The following IPCEF1 variants were observed in gnomAD, a reference collection of about 807,000 sequenced individuals.
The protein encoded by IPCEF1 is interactor protein for cytohesin exchange factors 1.
In IPCEF1, 31 loss-of-function variants were observed where a neutral mutation model predicts 50.9. That is an observed-to-expected ratio of 0.61 (90% CI 0.46 to 0.82). IPCEF1 has a LOEUF of 0.82. Ranked by LOEUF, IPCEF1 falls within the 40% of genes least tolerant of loss-of-function variation. The pLI is 0.00. For synonymous variants in IPCEF1, 181 were observed against 192.0 expected, an observed-to-expected ratio of 0.94 and a Z score of 0.47; for missense variants, 458 against 514.0, an observed-to-expected ratio of 0.89 and a Z score of 1.05.
At chr6:154,172,411 C>A (rs1481229481) in intron 10 of IPCEF1, among the ~76,000 whole-genome samples, 1 of 152,174 alleles carries the variant, frequency 6.6e-6, no homozygotes, top group African/African-American at 2.4e-5. Flanking sequence ...GTAACCGTAC[C>A]TGGAGGAATG....
At chr6:154,339,112 G>T (rs955318351) in intron 1 of IPCEF1, among the ~76,000 whole-genome samples, 4 of 151,978 alleles carry the variant, frequency 2.6e-5, no homozygotes, top group African/African-American at 9.7e-5. Context: ...ACCTGTAACT[G>T]CTGCTAATCA....
At chr6:154,231,879 A>G (rs1368324983) in intron 5 of IPCEF1, among the ~76,000 whole-genome samples, 1 of 152,228 alleles carries the variant, frequency 6.6e-6, no homozygotes, top group Non-Finnish European at 1.5e-5. Context: ...GAAATTAAAA[A>G]CAAATAGAAA....
chr6:154,180,412 A>ATTTTTTT (rs1301879776), intron 10 of IPCEF1, among the ~76,000 whole-genome samples: 6 of 50,808 alleles, frequency 1.2e-4, no homozygotes, highest in African/African-American at 3.2e-4. Flanking sequence ...ATATATATAT[A>ATTTTTTT]TATTTTTTTT....
intron 11 of IPCEF1, among the ~76,000 whole-genome samples, chr6:154,161,945 A>G (rs1799057298): frequency 6.6e-6 from 1 of 152,126 alleles, no homozygotes; most frequent in African/African-American, 2.4e-5. Flanking sequence ...TGACTATTTC[A>G]AAACTCTTCT....
intron 11 of IPCEF1, among the ~76,000 whole-genome samples, chr6:154,162,064 C>T (rs775221511): frequency 6.6e-6 from 1 of 152,144 alleles, no homozygotes; most frequent in Non-Finnish European, 1.5e-5. Context: ...TCCTATTGCC[C>T]ACGAACTACA....
chr6:154,282,544 G>A (rs1441503876), intron 2 of IPCEF1, among the ~76,000 whole-genome samples: 2 of 151,786 alleles, frequency 1.3e-5, no homozygotes, highest in African/African-American at 2.4e-5. Flanking sequence ...AAAATTAGGC[G>A]GGCACGGTGG....
chr6:154,158,453 G>T lies in IPCEF1; in HGVS notation c.*1375C>A, dbSNP rs185495902. Reference sequence around the variant, plus strand: ...TTGTGTTGCCTTTGGTCTAAGGTTTGCAGGCATAAATGGCACAAAGCTTAA... The same window carrying T: ...TTGTGTTGCCTTTGGTCTAAGGTTTTCAGGCATAAATGGCACAAAGCTTAA... On this transcript the variant is annotated 3_prime_UTR_variant, in exon 12 of 12. Transcript: ENST00000367220. 2.0e-5 allele frequency: 3 copies of T among 152,312 alleles called. No homozygotes were observed. The highest frequency in any genetic ancestry group is 2.0e-4 in the Admixed American group (3 of 15,306). 9.4% of individuals were successfully genotyped at this position (152,312 alleles called of 1,614,324 possible). A position where few individuals can be genotyped will look rare whatever the true frequency, so the allele number is the denominator to read the frequency against.
At position 154,224,982 on chromosome 6, in the gene IPCEF1, C is replaced by T. The variant is rs1391328632; in HGVS notation, c.247-1739G>A. On this transcript the variant is annotated intron_variant, in intron 5 of 11. Coordinates refer to ENST00000367220, the MANE Select transcript of IPCEF1 (RefSeq NM_001130700.2). Reference sequence around the variant, plus strand: ...TCCTGTGGATTCTCAATCCGCCTTACAAAAAAGTATAGTTTTGAAAAACTA... The same window carrying T: ...TCCTGTGGATTCTCAATCCGCCTTATAAAAAAGTATAGTTTTGAAAAACTA... 3.3e-5 allele frequency among the ~76,000 whole-genome samples: 5 copies of T among 152,216 alleles called. No homozygotes were observed. In the East Asian group the frequency reaches 9.7e-4, roughly 29 times the overall value.
intron 7 of IPCEF1, among the ~76,000 whole-genome samples, chr6:154,218,786 C>G (rs1342188443): frequency 2.6e-5 from 4 of 152,050 alleles, no homozygotes; most frequent in Non-Finnish European, 5.9e-5. Flanking sequence ...GACCATTTAG[C>G]CGGATGGACA....
At chr6:154,247,427 G>A (rs751367845) in intron 4 of IPCEF1, 22 bp downstream of exon 4, 10 of 1,601,960 alleles carry the variant, frequency 6.2e-6, no homozygotes, top group Non-Finnish European at 8.5e-6. Flanking sequence ...TGGAGATAAA[G>A]AAACAAAAGA....
At chr6:154,188,589 A>T (rs1286673715) in intron 10 of IPCEF1, among the ~76,000 whole-genome samples, 2 of 152,194 alleles carry the variant, frequency 1.3e-5, no homozygotes, top group East Asian at 3.8e-4. Context: ...AAACACCCTT[A>T]AAAAAAGAAC....
rs569221355 is a variant in IPCEF1, at chr6:154,308,473, T to C, written c.-61-18717A>G. Among the ~76,000 whole-genome samples the C allele has an allele frequency of 1.7e-4, 26 of 152,246 alleles. 1 individual carries two copies. The South Asian group carries it at 4.2e-3, about 24-fold the overall frequency. The stretch of plus-strand genomic sequence containing the variant: ...GGGCTCCACATTTAAAATTATACCA[T>C]CCAATTTATCTTTTTACAAAACTTA... On this transcript the variant is annotated intron_variant, in intron 1 of 11. Transcript: ENST00000367220.
At chr6:154,285,734 C>T (rs1782343733) in intron 2 of IPCEF1, among the ~76,000 whole-genome samples, 1 of 152,076 alleles carries the variant, frequency 6.6e-6, no homozygotes, top group Non-Finnish European at 1.5e-5. Context: ...TTCTTCACTG[C>T]CAGCATACAA....
chr6:154,169,951 G>T (rs918610089), intron 10 of IPCEF1, among the ~76,000 whole-genome samples: 2 of 152,138 alleles, frequency 1.3e-5, no homozygotes, highest in African/African-American at 4.8e-5. Flanking sequence ...AGTATCCCAA[G>T]AATAATGATA....
intron 1 of IPCEF1, among the ~76,000 whole-genome samples, chr6:154,355,228 C>T (rs985844830): frequency 2.0e-5 from 3 of 152,166 alleles, no homozygotes; most frequent in African/African-American, 7.2e-5. Context: ...CCACAGCAAA[C>T]TACCGCAGGA....
At chr6:154,300,809 T>C (rs1019165747) in intron 1 of IPCEF1, among the ~76,000 whole-genome samples, 1 of 152,212 alleles carries the variant, frequency 6.6e-6, no homozygotes, top group African/African-American at 2.4e-5. Context: ...TCTACTTCTT[T>C]AGGTAAGTAA....
intron 2 of IPCEF1, among the ~76,000 whole-genome samples, chr6:154,284,876 T>C (rs1296873861): frequency 6.6e-6 from 1 of 152,150 alleles, no homozygotes; most frequent in African/African-American, 2.4e-5. Context: ...GGTGTGCACC[T>C]GTAGTCCCAG....
intron 6 of IPCEF1, among the ~76,000 whole-genome samples, chr6:154,222,144 A>G (rs762175602): frequency 1.3e-5 from 2 of 152,240 alleles, no homozygotes; most frequent in African/African-American, 2.4e-5. Flanking sequence ...TTTGTTAGTA[A>G]AGGGAAATAT....
chr6:154,232,082 A>G (rs993194365), intron 5 of IPCEF1, among the ~76,000 whole-genome samples: 5 of 152,178 alleles, frequency 3.3e-5, no homozygotes, highest in Non-Finnish European at 7.4e-5. Context: ...AAAATTGCAC[A>G]GAATCTAAAG....
Sources: allele counts gnomAD v4.1 joint callset (sites outside exome capture counted in the v4.1 genomes callset), GRCh38; gene constraint gnomAD v4.1.1; transcripts MANE v1.5; gene names NCBI Gene and HGNC (gene_info 2026-07-23, HGNC 2026-07-21).